Variants in FLT4 observed in about 807,000 individuals in gnomAD.
FLT4 encodes the protein fms related receptor tyrosine kinase 4.
In FLT4, 30 loss-of-function variants were observed where a neutral mutation model predicts 163.2. That is an observed-to-expected ratio of 0.18 (90% CI 0.14 to 0.25). The LOEUF (loss-of-function observed/expected upper bound fraction) is 0.25, where lower values mean the gene tolerates loss of function less well. Ranked by LOEUF, FLT4 falls within the 10% of genes least tolerant of loss-of-function variation. FLT4 has a pLI of 1.00. For missense variants in FLT4, 1,510 were observed against 1,863.8 expected, an observed-to-expected ratio of 0.81 and a Z score of 3.50; for synonymous variants, 884 against 789.5, an observed-to-expected ratio of 1.12 and a Z score of -2.01.
chr5:180,616,280 C>T, intron 23 of FLT4, 87 bp downstream of exon 23: 2 of 1,572,488 alleles, frequency 1.3e-6, no homozygotes, highest in Non-Finnish European at 1.7e-6. Flanking sequence ...CCTGTGCCAG[C>T]CCTCCCTCTC....
rs753308828 is a variant in FLT4 at position 180,619,662 on chromosome 5, C to G, written c.2647+3G>C. 6.2e-7 allele frequency: 1 copy of G among 1,610,896 alleles called. No individual in the cohort carries two copies. Among genetic ancestry groups the G allele is most frequent in the Admixed American group, 1.7e-5 (1 of 60,030 alleles). On this transcript the variant is annotated splice_donor_region_variant and intron_variant, in intron 18 of 29. Transcript: ENST00000261937. ...CTGCCCCTTCCGCCCGCTGACCCCA[C>G]ACCTTTCAGCATTTTCACGGCCACG...
intron 1 of FLT4, among the ~76,000 whole-genome samples, chr5:180,637,574 C>G (rs1764785244): frequency 6.6e-6 from 1 of 152,130 alleles, no homozygotes; most frequent in Non-Finnish European, 1.5e-5. Flanking sequence ...AGCTCGTCGC[C>G]CAGGCTGCAG....
intron 1 of FLT4, among the ~76,000 whole-genome samples, chr5:180,642,183 G>A (rs561088102): frequency 1.3e-5 from 2 of 151,502 alleles, no homozygotes; most frequent in African/African-American, 4.8e-5. Flanking sequence ...CTCCAGCTTG[G>A]GCGACAGAGT....
At chr5:180,610,945 T>C (rs1455600476) in intron 27 of FLT4, among the ~76,000 whole-genome samples, 2 of 152,170 alleles carry the variant, frequency 1.3e-5, no homozygotes, top group African/African-American at 4.8e-5. Context: ...TAGTCCCAGC[T>C]ACTCGGGAGG....
At chr5:180,604,547 C>T (rs568951733) in intron 29 of FLT4, among the ~76,000 whole-genome samples, 3 of 152,274 alleles carry the variant, frequency 2.0e-5, no homozygotes, top group Non-Finnish European at 4.4e-5. Context: ...CCTCCTGACA[C>T]GCCCTCCAAC....
rs546903354 is a variant in FLT4 at position 180,623,864 on chromosome 5, A to G, written c.1548+71T>C. ...ACTCTGGAAGCCAGGTGGAAACCAC[A>G]TGGCAGTAATGGCCTCTCTCTCCTC... On this transcript the variant is annotated intron_variant, in intron 11 of 29. Coordinates refer to ENST00000261937, the MANE Select transcript of FLT4 (RefSeq NM_182925.5). The surrounding 1 kb of genome is among the most constrained non-coding windows in gnomAD (Gnocchi z 5.8). The G allele has an allele frequency of 5.4e-4, 850 of 1,582,062 alleles. 9 individuals are homozygous for G. The South Asian group carries it at 8.7e-3, about 16-fold the overall frequency.
intron 1 of FLT4, among the ~76,000 whole-genome samples, chr5:180,643,153 A>T (rs1367073544): frequency 6.6e-6 from 1 of 152,188 alleles, no homozygotes; most frequent in African/African-American, 2.4e-5. Flanking sequence ...AGCGTGGGAA[A>T]CCCTGCTCTC....
In FLT4 at chr5:180,603,104, C is replaced by T; in HGVS notation, c.*88G>A. 7.6e-7 allele frequency: 1 copy of T among 1,312,384 alleles called. No individual in the cohort carries two copies. Among genetic ancestry groups the T allele is most frequent in the South Asian group, 1.2e-5 (1 of 82,102 alleles). 81.3% of individuals were successfully genotyped at this position (1,312,384 alleles called of 1,614,324 possible). On this transcript the variant is annotated 3_prime_UTR_variant, in exon 30 of 30. Coordinates refer to ENST00000261937, the MANE Select transcript of FLT4 (RefSeq NM_182925.5). Reference sequence around the variant, plus strand: ...CACTCCTGTGCCACCAGAGTTCAACCAGATGAGTTCCCAGCCTGGGCCTCC... The same window carrying T: ...CACTCCTGTGCCACCAGAGTTCAACTAGATGAGTTCCCAGCCTGGGCCTCC...
At chr5:180,611,197 CTG>C in intron 27 of FLT4, 132 bp downstream of exon 27, 1 of 1,110,598 alleles carries the variant, frequency 9.0e-7, no homozygotes, top group Non-Finnish European at 1.3e-6. Flanking sequence ...TAAAGCCACT[CTG>C]TGCTCTGAGT....
chr5:180,631,647 C>T (rs754740453), intron 2 of FLT4, 35 bp downstream of exon 2: 7 of 1,536,066 alleles, frequency 4.6e-6, no homozygotes, highest in Non-Finnish European at 6.3e-6. Context: ...CTTGTGCAGC[C>T]TCTCTGGCCT....
chr5:180,630,004 C>T lies in FLT4; in HGVS notation c.615G>A (p.Gln205=). ...TPLLHDALYL[Q]CETTWGDQDF... is the part of the protein sequence containing the mutation. ...CCTGGTCTCCCCAGGTGGTCTCGCA[C>T]TGCAGGTACAGGGCATCGTGCAGCA... Residue 205 remains glutamine, a synonymous_variant, in exon 5 of 30, where the codon CAG becomes CAA. Transcript: ENST00000261937. The surrounding 1 kb of genome is among the most constrained non-coding windows in gnomAD (Gnocchi z 6.3). The T allele has an allele frequency of 6.2e-7, 1 of 1,612,872 alleles. No individual in the cohort carries two copies. The highest frequency in any genetic ancestry group is 8.5e-7 in the Non-Finnish European group (1 of 1,180,034).
chr5:180,630,183 G>GTTT lies in FLT4; in HGVS notation c.513+41_513+42insAAA. ...ACAGGCGGCCGCCTTTCCCAGGGGTGGGATGGGAGGGTCGGATGCTGGGGT... is the reference window on the plus strand; with the variant it reads ...ACAGGCGGCCGCCTTTCCCAGGGGTGTTTGGATGGGAGGGTCGGATGCTGGGGT... On this transcript the variant is annotated intron_variant, in intron 4 of 29. Coordinates refer to ENST00000261937, the MANE Select transcript of FLT4 (RefSeq NM_182925.5). This position sits in a 1 kb window ranked among gnomAD's most constrained non-coding sequence, Gnocchi z 6.3. 1 of 1,607,578 alleles carries GTTT rather than the reference G, an allele frequency of 6.2e-7. No homozygotes were observed. Among genetic ancestry groups the GTTT allele is most frequent in the Non-Finnish European group, 8.5e-7 (1 of 1,175,846 alleles).
chr5:180,601,675 G>C lies in FLT4; in HGVS notation c.*1517C>G, dbSNP rs1195488815. On this transcript the variant is annotated 3_prime_UTR_variant, in exon 30 of 30. Transcript: ENST00000261937. Reference sequence around the variant, plus strand: ...GAGGTGCGCGCCAGGAGCCAGGCTGGTTCTCTGCAGAGAACAACCTCCAGA... The same window carrying C: ...GAGGTGCGCGCCAGGAGCCAGGCTGCTTCTCTGCAGAGAACAACCTCCAGA... The C allele has an allele frequency of 4.3e-6, 1 of 233,344 alleles. No individual in the cohort carries two copies. 14.5% of individuals were successfully genotyped at this position (233,344 alleles called of 1,614,324 possible).
chr5:180,644,447 C>T (rs924150128), intron 1 of FLT4, among the ~76,000 whole-genome samples: 4 of 152,240 alleles, frequency 2.6e-5, no homozygotes, highest in African/African-American at 9.6e-5. Context: ...TCCACCTGGC[C>T]AGCCCTCTAG....
rs1230643003 is a variant in FLT4 at position 180,609,887 on chromosome 5, A to C, written c.3807+18T>G. 1 of 1,613,724 alleles carries C rather than the reference A, an allele frequency of 6.2e-7. No homozygotes were observed. The highest frequency in any genetic ancestry group is 8.5e-7 in the Non-Finnish European group (1 of 1,179,810). On this transcript the variant is annotated intron_variant, in intron 28 of 29. Coordinates refer to ENST00000261937, the MANE Select transcript of FLT4 (RefSeq NM_182925.5). ...GCCCTGAGCCGAGAGCGCAGCCCCCACCCTTCATGTGAAGTACCACAGAGC... is the reference window on the plus strand; with the variant it reads ...GCCCTGAGCCGAGAGCGCAGCCCCCCCCCTTCATGTGAAGTACCACAGAGC...
intron 10 of FLT4, 74 bp downstream of exon 10, chr5:180,625,795 G>T: frequency 7.0e-7 from 1 of 1,424,136 alleles, no homozygotes; most frequent in Non-Finnish European, 9.8e-7. Context: ...GAGGGGTGCT[G>T]TAAAGGAGGT....
At chr5:180,610,884 C>T (rs113238472) in intron 27 of FLT4, among the ~76,000 whole-genome samples, 2,269 of 152,258 alleles carry the variant, frequency 0.015, 58 homozygotes, top group African/African-American at 0.052. Flanking sequence ...GGTGAAACCC[C>T]GTCTCTACTA....
At chr5:180,613,415 G>A (rs1000339456) in intron 24 of FLT4, 1 of 363,830 alleles carries the variant, frequency 2.7e-6, no homozygotes, top group Non-Finnish European at 5.0e-6. Context: ...CATCAGCGGC[G>A]GGGGAGCCGC....
In FLT4 at chr5:180,608,244, A is replaced by G. The variant is rs913393251; in HGVS notation, c.3893+724T>C. On this transcript the variant is annotated intron_variant, in intron 29 of 29. Coordinates refer to ENST00000261937, the MANE Select transcript of FLT4 (RefSeq NM_182925.5). ...CTTTCTTATAAGTGCAGAGAAGAAA[A>G]TGCTGACGTATGCTGCCTTCTCTCT... 19 of 700,800 alleles carry G rather than the reference A, an allele frequency of 2.7e-5. No homozygotes were observed. The East Asian group carries it at 3.2e-4, about 12-fold the overall frequency. The allele number at this position is 700,800 out of a possible 1,614,324, so 43.4% of individuals were successfully genotyped here.
Sources: gnomAD v4.1 joint callset for allele counts (sites outside exome capture counted in the v4.1 genomes callset) on GRCh38, gnomAD v4.1.1 for gene constraint, Gnocchi (gnomAD v3.1) non-coding constraint, MANE v1.5 for transcripts, NCBI Gene and HGNC (gene_info 2026-07-23, HGNC 2026-07-21) for gene names.